The following ABCA1 variants were observed in gnomAD, a reference collection of about 807,000 sequenced individuals.
ABCA1 encodes the protein ATP binding cassette subfamily A member 1.
Under a neutral mutation model 262.5 loss-of-function variants are expected in ABCA1, and 133 were observed. The observed-to-expected ratio is 0.51, with a 90% confidence interval of 0.44 to 0.59. The LOEUF (loss-of-function observed/expected upper bound fraction) is 0.59. Ranked by LOEUF, ABCA1 falls within the 20% of genes least tolerant of loss-of-function variation. ABCA1 has a pLI of 0.00. For synonymous variants in ABCA1, 1,022 were observed against 1,043.5 expected (o/e 0.98, Z 0.40); for missense variants, 2,452 against 2,777.5 (o/e 0.88, Z 2.63).
chr9:104,850,353 C>A (rs1564178534), intron 7 of ABCA1, among the ~76,000 whole-genome samples: 1 of 152,204 alleles, frequency 6.6e-6, no homozygotes, highest in Non-Finnish European at 1.5e-5. Context: ...AACTCCTGAC[C>A]TCCAGTGATC....
intron 39 of ABCA1, 45 bp from the exon 40 acceptor site, chr9:104,794,555 G>T: frequency 6.4e-7 from 1 of 1,574,574 alleles, no homozygotes; most frequent in South Asian, 1.1e-5. Context: ...GGGTGAGGGA[G>T]AAGAAACGGG....
chr9:104,853,184 A>T (rs766750200), intron 7 of ABCA1, among the ~76,000 whole-genome samples: 1 of 152,224 alleles, frequency 6.6e-6, no homozygotes, highest in Non-Finnish European at 1.5e-5. Flanking sequence ...ACACGTGGAC[A>T]GTGGAACCAC....
chr9:104,867,806 AG>A (rs1318958600), intron 5 of ABCA1, among the ~76,000 whole-genome samples: 1 of 152,238 alleles, frequency 6.6e-6, no homozygotes, highest in Non-Finnish European at 1.5e-5. Flanking sequence ...CACACAAGAC[AG>A]GGAATACTTC....
chr9:104,885,577 CACTAGG>C (rs1839097698), intron 3 of ABCA1, among the ~76,000 whole-genome samples: 1 of 152,146 alleles, frequency 6.6e-6, no homozygotes, highest in African/African-American at 2.4e-5. Flanking sequence ...AGGCCCCATG[CACTAGG>C]TCATCCTCTT....
At chr9:104,860,755 C>CTTTTTTTTT (rs762423202) in intron 6 of ABCA1, among the ~76,000 whole-genome samples, 2 of 115,862 alleles carry the variant, frequency 1.7e-5, no homozygotes, top group African/African-American at 7.0e-5. Context: ...TTATAAAATT[C>CTTTTTTTTT]TTTTTTTTTT....
At chr9:104,790,887 C>A in intron 44 of ABCA1, 35 bp downstream of exon 44, 2 of 1,402,458 alleles carry the variant, frequency 1.4e-6, no homozygotes, top group Non-Finnish European at 2.0e-6. Context: ...AAAACAAAGT[C>A]TTTGCAGCAA....
chr9:104,873,505 G>GC (rs1837827384), intron 5 of ABCA1, among the ~76,000 whole-genome samples: 1 of 152,172 alleles, frequency 6.6e-6, no homozygotes, highest in African/African-American at 2.4e-5. Flanking sequence ...ATCCCAGCCA[G>GC]CCCATGCCCC....
chr9:104,887,501 A>G (rs1050522066), intron 3 of ABCA1, among the ~76,000 whole-genome samples: 2 of 152,040 alleles, frequency 1.3e-5, no homozygotes, highest in Admixed American at 6.6e-5. Flanking sequence ...TTTCCACTAC[A>G]CCATCTTGCC....
At position 104,883,108 on chromosome 9, in the gene ABCA1, T is replaced by C. The variant is rs753703009; in HGVS notation, c.352A>G (p.Lys118Glu). ...DARRLLLYSQ[K>E]DTSMKDMRKV... ...CGCATGTCCTTCATGCTGGTGTCTTTCTGGCTGTATAAAAGAAGCCTCCGA... is the reference window on the plus strand; with the variant it reads ...CGCATGTCCTTCATGCTGGTGTCTTCCTGGCTGTATAAAAGAAGCCTCCGA... The change falls in exon 5 of 50, where the codon AAA becomes GAA. Residue 118 changes from lysine to glutamate, a missense_variant. Physicochemically the swap from Lys to Glu is moderately conservative, Grantham distance 56. This residue lies in a region of ABCA1 where 1,032 missense variants were observed against 1,089.7 expected (regional missense o/e 0.95). Coordinates refer to ENST00000374736, the MANE Select transcript of ABCA1 (RefSeq NM_005502.4). 4 of 1,613,840 alleles carry C rather than the reference T, an allele frequency of 2.5e-6. No individual in the cohort carries two copies. The highest frequency in any genetic ancestry group is 3.4e-6 in the Non-Finnish European group (4 of 1,180,046).
rs140180943 is a variant in ABCA1 at position 104,855,725 on chromosome 9, C to T, written c.720+2797G>A. The T allele has an allele frequency of 1.9e-3, 2,977 of 1,544,584 alleles. 43 individuals carry two copies. The African/African-American group carries it at 0.032, about 17-fold the overall frequency. ...TACAGGGACTAAATAATTTATCCGACATCAATGCTGGTAAAATATTCAAAT... is the reference window on the plus strand; with the variant it reads ...TACAGGGACTAAATAATTTATCCGATATCAATGCTGGTAAAATATTCAAAT... On this transcript the variant is annotated intron_variant, in intron 7 of 49. Coordinates refer to ENST00000374736, the MANE Select transcript of ABCA1 (RefSeq NM_005502.4).
Position 104,803,312 on chromosome 9 carries a change from T to G in ABCA1, c.4564A>C (p.Lys1522Gln). Residue 1522 changes from lysine (K) to glutamine (Q), a missense_variant, in exon 33 of 50, where the codon AAG (lysine) becomes CAG (glutamine). Transcript: ENST00000374736. ...TYVQIIAKSL[K>Q]NKIWVNEFRY... is the part of the protein sequence containing the mutation. ...AACTCATTCACCCAGATCTTGTTCTTTAAGCTGCAGAGACAAAGAAACAAA... is the reference window on the plus strand; with the variant it reads ...AACTCATTCACCCAGATCTTGTTCTGTAAGCTGCAGAGACAAAGAAACAAA... 6.2e-7 allele frequency: 1 copy of G among 1,614,178 alleles called. No homozygotes were observed. The highest frequency in any genetic ancestry group is 8.5e-7 in the Non-Finnish European group (1 of 1,180,024).
intron 2 of ABCA1, among the ~76,000 whole-genome samples, chr9:104,893,600 A>G (rs1431202798): frequency 6.6e-6 from 1 of 152,140 alleles, no homozygotes; most frequent in African/African-American, 2.4e-5. Context: ...AGGGCCCAAT[A>G]TGTACAAGGC....
chr9:104,861,987 T>C (rs1836438613), intron 5 of ABCA1, among the ~76,000 whole-genome samples, 187 bp from the exon 6 acceptor site: 1 of 151,996 alleles, frequency 6.6e-6, no homozygotes. Context: ...TATTGCTTTC[T>C]GGTAACATGT....
intron 1 of ABCA1, among the ~76,000 whole-genome samples, chr9:104,924,618 A>C (rs2118557940): frequency 6.7e-6 from 1 of 149,384 alleles, no homozygotes; most frequent in South Asian, 2.3e-4. Context: ...TCAGAAAAAA[A>C]AAAAAAAGAA....
chr9:104,874,381 T>G (rs2119147005), intron 5 of ABCA1, among the ~76,000 whole-genome samples: 1 of 152,072 alleles, frequency 6.6e-6, no homozygotes, highest in East Asian at 1.9e-4. Context: ...ATGGCCAACA[T>G]GGCAAAACCC....
At chr9:104,788,638 T>C (rs920866482) in intron 44 of ABCA1, 71 bp from the exon 45 acceptor site, 2 of 1,560,946 alleles carry the variant, frequency 1.3e-6, no homozygotes, top group South Asian at 1.1e-5. Flanking sequence ...TCTGGCCTAA[T>C]GTTCCTGTAA....
rs529272303 is a variant in ABCA1, at chr9:104,868,820, C to G, written c.422-7020G>C. The stretch of plus-strand genomic sequence containing the variant: ...CTCTGGGACCAAGCCGGGGAACCAG[C>G]TGGGACCTCTGGGACCCAGGTCCAG... On this transcript the variant is annotated intron_variant, in intron 5 of 49. Transcript: ENST00000374736. Among the ~76,000 whole-genome samples, 9 of 152,282 alleles carry G rather than the reference C, an allele frequency of 5.9e-5. 1 individual carries two copies. The South Asian group carries it at 1.9e-3, about 32-fold the overall frequency.
At chr9:104,880,715 G>A (rs1189578604) in intron 5 of ABCA1, among the ~76,000 whole-genome samples, 1 of 152,122 alleles carries the variant, frequency 6.6e-6, no homozygotes, top group Non-Finnish European at 1.5e-5. Flanking sequence ...GACATACTGC[G>A]TGAACAGAGA....
chr9:104,857,775 T>G (rs1418263441), intron 7 of ABCA1, among the ~76,000 whole-genome samples: 4 of 152,166 alleles, frequency 2.6e-5, no homozygotes, highest in Non-Finnish European at 5.9e-5. Flanking sequence ...TTTCCCTGGT[T>G]TTAAGAGAAT....
Sources: allele counts gnomAD v4.1 joint callset (sites outside exome capture counted in the v4.1 genomes callset), GRCh38; gene constraint gnomAD v4.1.1; regional missense constraint gnomAD v4.1.1; transcripts MANE v1.5; gene names NCBI Gene and HGNC (gene_info 2026-07-23, HGNC 2026-07-21).